Variants in GALNTL6 observed in about 807,000 individuals in gnomAD.
GALNTL6 encodes polypeptide N-acetylgalactosaminyltransferase like 6.
Under a neutral mutation model 73.7 loss-of-function variants are expected in GALNTL6, and 46 were observed. That is an observed-to-expected ratio of 0.62 (90% CI 0.49 to 0.80). GALNTL6 has a LOEUF of 0.80. Ranked by LOEUF, GALNTL6 falls within the 30% of genes least tolerant of loss-of-function variation. GALNTL6 has a pLI of 0.00. For missense variants in GALNTL6, 604 were observed against 755.0 expected, an observed-to-expected ratio of 0.80 and a Z score of 2.34; for synonymous variants, 259 against 263.7, an observed-to-expected ratio of 0.98 and a Z score of 0.17.
chr4:172,685,407 A>G (rs917575626), intron 5 of GALNTL6, among the ~76,000 whole-genome samples: 3 of 152,206 alleles, frequency 2.0e-5, no homozygotes, highest in Non-Finnish European at 4.4e-5. Context: ...TAGAAAATGT[A>G]TCCCCTTTTT....
intron 5 of GALNTL6, among the ~76,000 whole-genome samples, chr4:172,390,923 G>C (rs1743644490): frequency 6.6e-6 from 1 of 152,136 alleles, no homozygotes; most frequent in Non-Finnish European, 1.5e-5. Flanking sequence ...GTCATACAGT[G>C]AGTTAAGGCA....
At chr4:171,986,781 G>A (rs1210789816) in intron 2 of GALNTL6, among the ~76,000 whole-genome samples, 1 of 152,072 alleles carries the variant, frequency 6.6e-6, no homozygotes, top group Non-Finnish European at 1.5e-5. Flanking sequence ...AGGTATAAAA[G>A]GTCTAAGAAT....
chr4:172,446,270 A>AT (rs1347508731), intron 5 of GALNTL6, among the ~76,000 whole-genome samples: 1 of 152,192 alleles, frequency 6.6e-6, no homozygotes, highest in Non-Finnish European at 1.5e-5. Flanking sequence ...AGGTGGCAGA[A>AT]TTAGAATTTG....
intron 2 of GALNTL6, among the ~76,000 whole-genome samples, chr4:171,897,343 T>C (rs192207984): frequency 6.6e-6 from 1 of 152,204 alleles, no homozygotes; most frequent in East Asian, 1.9e-4. Flanking sequence ...AAATAAAAGA[T>C]TGTAGAATCA....
At chr4:172,675,721 T>A (rs1732260710) in intron 5 of GALNTL6, among the ~76,000 whole-genome samples, 1 of 152,238 alleles carries the variant, frequency 6.6e-6, no homozygotes, top group African/African-American at 2.4e-5. Context: ...ATTACTATAT[T>A]TTTATTCAAC....
At chr4:173,035,351 T>C (rs1363041862) in intron 12 of GALNTL6, among the ~76,000 whole-genome samples, 2 of 151,042 alleles carry the variant, frequency 1.3e-5, no homozygotes, top group African/African-American at 4.9e-5. Context: ...GCTAATTTTG[T>C]ATTTTTAGTA....
At chr4:172,808,419 T>C (rs1487089883) in intron 5 of GALNTL6, among the ~76,000 whole-genome samples, 1 of 152,086 alleles carries the variant, frequency 6.6e-6, no homozygotes, top group East Asian at 1.9e-4. Context: ...AAGAGAACGT[T>C]TGAAAAGTGA....
chr4:172,163,534 G>A (rs998853828), intron 2 of GALNTL6, among the ~76,000 whole-genome samples: 2 of 151,908 alleles, frequency 1.3e-5, no homozygotes, highest in East Asian at 3.9e-4. Flanking sequence ...TCTCAGAAAC[G>A]ATTTCTTCAA....
At chr4:172,004,900 AAG>A (rs1491055454) in intron 2 of GALNTL6, among the ~76,000 whole-genome samples, 2 of 151,786 alleles carry the variant, frequency 1.3e-5, no homozygotes, top group Non-Finnish European at 2.9e-5. Context: ...TGAAAAAAAA[AAG>A]AAGAAAAAGT....
chr4:172,568,113 T>C (rs1736625676), intron 5 of GALNTL6, among the ~76,000 whole-genome samples: 1 of 152,190 alleles, frequency 6.6e-6, no homozygotes, highest in Admixed American at 6.5e-5. Context: ...TTCTGTGCAT[T>C]TTTTGCTCAA....
Position 171,961,170 on chromosome 4 carries a change from T to C in GALNTL6, c.138+146452T>C, listed in dbSNP as rs549683229. Reference sequence around the variant, plus strand: ...CCAATTGTGTCCCAAAGTCTGTTTATTTTACCAGGGAATTGACTGAAATGG... The same window carrying C: ...CCAATTGTGTCCCAAAGTCTGTTTACTTTACCAGGGAATTGACTGAAATGG... On this transcript the variant is annotated intron_variant, in intron 2 of 12. Coordinates refer to ENST00000506823, the MANE Select transcript of GALNTL6 (RefSeq NM_001034845.3). Among the ~76,000 whole-genome samples, 386 of 152,290 alleles carry C rather than the reference T, an allele frequency of 2.5e-3. 1 individual carries two copies. Among genetic ancestry groups the C allele is most frequent in the Middle Eastern group, 6.8e-3 (2 of 294 alleles).
At chr4:171,861,527 T>C (rs917184029) in intron 2 of GALNTL6, among the ~76,000 whole-genome samples, 1 of 152,150 alleles carries the variant, frequency 6.6e-6, no homozygotes, top group African/African-American at 2.4e-5. Context: ...TTTAAGCATA[T>C]CCTTCTTTTT....
chr4:172,216,120 A>G (rs535774757), intron 2 of GALNTL6, among the ~76,000 whole-genome samples: 1 of 152,206 alleles, frequency 6.6e-6, no homozygotes, highest in South Asian at 2.1e-4. Context: ...TATTATCTTC[A>G]TTTATTCATG....
chr4:172,783,428 C>T (rs1739480994), intron 5 of GALNTL6, among the ~76,000 whole-genome samples: 1 of 146,538 alleles, frequency 6.8e-6, no homozygotes, highest in African/African-American at 2.5e-5. Flanking sequence ...ATAATATATA[C>T]TATTTATAAC....
intron 2 of GALNTL6, among the ~76,000 whole-genome samples, chr4:172,058,392 C>A (rs181038111): frequency 6.6e-6 from 1 of 152,164 alleles, no homozygotes; most frequent in Admixed American, 6.5e-5. Context: ...TCGAAAAATA[C>A]GAACTTTGCC....
chr4:172,005,026 G>T (rs1238744092), intron 2 of GALNTL6, among the ~76,000 whole-genome samples: 1 of 152,074 alleles, frequency 6.6e-6, no homozygotes, highest in Non-Finnish European at 1.5e-5. Context: ...GCCTTGTTAC[G>T]TGATATGCCA....
Position 171,974,858 on chromosome 4 carries a change from A to G in GALNTL6, c.138+160140A>G, listed in dbSNP as rs532194166. Among the ~76,000 whole-genome samples, 385 of 152,328 alleles carry G rather than the reference A, an allele frequency of 2.5e-3. 4 individuals carry two copies. The highest frequency in any genetic ancestry group is 4.6e-3 in the Non-Finnish European group (315 of 68,024). On this transcript the variant is annotated intron_variant, in intron 2 of 12. Transcript: ENST00000506823. Reference sequence around the variant, plus strand: ...TCATTTTTAGTAGCAACACAATTCTATGATATGTTATGGTTGTAACAGTGG... The same window carrying G: ...TCATTTTTAGTAGCAACACAATTCTGTGATATGTTATGGTTGTAACAGTGG...
At chr4:172,700,528 T>G (rs1733966489) in intron 5 of GALNTL6, among the ~76,000 whole-genome samples, 2 of 152,120 alleles carry the variant, frequency 1.3e-5, no homozygotes, top group African/African-American at 4.8e-5. Flanking sequence ...AGTTTCCTAT[T>G]TAGACTGAGA....
At chr4:172,804,479 T>C (rs567225737) in intron 5 of GALNTL6, among the ~76,000 whole-genome samples, 32 of 152,346 alleles carry the variant, frequency 2.1e-4, no homozygotes, top group African/African-American at 7.5e-4. Flanking sequence ...TAGTGTATCC[T>C]GGCCCCTCTT....
Sources: gnomAD v4.1 joint callset for allele counts (sites outside exome capture counted in the v4.1 genomes callset) on GRCh38, gnomAD v4.1.1 for gene constraint, MANE v1.5 for transcripts, NCBI Gene and HGNC (gene_info 2026-07-23, HGNC 2026-07-21) for gene names.